Variants in NTN4 observed in about 807,000 individuals in gnomAD.
NTN4 encodes the protein netrin-4.
A neutral mutation model predicts 73.6 loss-of-function variants in NTN4; 32 were observed. That is an observed-to-expected ratio of 0.44 (90% CI 0.33 to 0.58). NTN4 has a LOEUF of 0.58. Ranked by LOEUF, NTN4 falls within the 20% of genes least tolerant of loss-of-function variation. The pLI is 0.04. For missense variants in NTN4, 654 were observed against 798.3 expected (o/e 0.82, Z 2.18); for synonymous variants, 258 against 287.5 (o/e 0.90, Z 1.04).
At chr12:95,671,890 A>C (rs1304250794) in intron 7 of NTN4, among the ~76,000 whole-genome samples, 1 of 152,086 alleles carries the variant, frequency 6.6e-6, no homozygotes, top group East Asian at 1.9e-4. Flanking sequence ...ACTGCATTTC[A>C]TAGGCATTGA....
chr12:95,681,461 C>T (rs2078315458), intron 7 of NTN4, among the ~76,000 whole-genome samples: 1 of 152,106 alleles, frequency 6.6e-6, no homozygotes, highest in Non-Finnish European at 1.5e-5. Context: ...TATGGGTGCT[C>T]ATTGCATAAC....
chr12:95,710,167 A>G (rs917732447), intron 5 of NTN4, among the ~76,000 whole-genome samples: 1 of 152,094 alleles, frequency 6.6e-6, no homozygotes, highest in Non-Finnish European at 1.5e-5. Context: ...TCTTTTTTCT[A>G]TTAGTCATCC....
intron 3 of NTN4, among the ~76,000 whole-genome samples, chr12:95,721,899 A>G (rs2078650531): frequency 6.6e-6 from 1 of 152,276 alleles, no homozygotes; most frequent in East Asian, 1.9e-4. Context: ...AGTATTCAGA[A>G]GTGCAAGTGT....
chr12:95,695,052 T>C (rs4762601), intron 5 of NTN4, among the ~76,000 whole-genome samples: 132,555 of 151,504 alleles, frequency 0.87, 58,097 homozygotes, highest in East Asian at 1. Flanking sequence ...GGTTTGAACC[T>C]GGGAGGTGAA....
At chr12:95,704,910 A>G (rs923943271) in intron 5 of NTN4, among the ~76,000 whole-genome samples, 3 of 152,186 alleles carry the variant, frequency 2.0e-5, no homozygotes, top group African/African-American at 4.8e-5. Context: ...GAACCCATCT[A>G]CCTCCTATAC....
chr12:95,679,415 C>CATAT (rs1159417505), intron 7 of NTN4, among the ~76,000 whole-genome samples: 1 of 152,132 alleles, frequency 6.6e-6, no homozygotes, highest in African/African-American at 2.4e-5. Flanking sequence ...TTCCCATGAC[C>CATAT]ATATCTTAGA....
chr12:95,682,636 C>G, intron 7 of NTN4, 71 bp downstream of exon 7: 1 of 1,015,040 alleles, frequency 9.9e-7, no homozygotes, highest in Non-Finnish European at 1.5e-6. Context: ...AAGCTGGACC[C>G]TGGTTTGTCA....
intron 3 of NTN4, among the ~76,000 whole-genome samples, chr12:95,736,456 T>C (rs752048916): frequency 6.6e-6 from 1 of 152,210 alleles, no homozygotes; most frequent in Non-Finnish European, 1.5e-5. Context: ...AAGATCTGCA[T>C]GCTCTCCTTT....
chr12:95,732,396 C>CT (rs35575824), intron 3 of NTN4, among the ~76,000 whole-genome samples: 25,357 of 112,566 alleles, frequency 0.23, 3,295 homozygotes, highest in African/African-American at 0.3. Context: ...CTTTCTTCCT[C>CT]TTTTTTTTTT....
chr12:95,775,747 C>G (rs2079087416), intron 2 of NTN4, among the ~76,000 whole-genome samples: 1 of 152,258 alleles, frequency 6.6e-6, no homozygotes, highest in Non-Finnish European at 1.5e-5. Context: ...CAGATTCCAC[C>G]TCTGGGGGCA....
Position 95,790,227 on chromosome 12 carries a change from G to T in NTN4, c.55+28C>A, listed in dbSNP as rs1353686541. On this transcript the variant is annotated intron_variant, in intron 1 of 9. Coordinates refer to ENST00000343702, the MANE Select transcript of NTN4 (RefSeq NM_021229.4). The surrounding 1 kb of genome is among the most constrained non-coding windows in gnomAD (Gnocchi z 6.5). ...GGTTAGAGAAGCAGCGAGGGAAGGGGTGGGGGCCCCGCCGCGTCACCACCC... is the reference window on the plus strand; with the variant it reads ...GGTTAGAGAAGCAGCGAGGGAAGGGTTGGGGGCCCCGCCGCGTCACCACCC... 6.5e-7 allele frequency: 1 copy of T among 1,528,858 alleles called. No individual in the cohort carries two copies. Among genetic ancestry groups the T allele is most frequent in the Non-Finnish European group, 8.8e-7 (1 of 1,136,984 alleles). The allele number at this position is 1,528,858 out of a possible 1,614,324, so 94.7% of individuals were successfully genotyped here. A position where few individuals can be genotyped will look rare whatever the true frequency, so the allele number is the denominator to read the frequency against.
Position 95,659,059 on chromosome 12 carries a change from T to C in NTN4, c.*27A>G. On this transcript the variant is annotated 3_prime_UTR_variant, in exon 10 of 10. Transcript: ENST00000343702. ...AGTTTGTGTTTTGTACATAGACAAG[T>C]GCCATTATGTGCTATCCATCTTAAT... is the stretch of plus-strand genomic sequence containing the variant. The C allele has an allele frequency of 2.5e-6, 4 of 1,587,458 alleles. No homozygotes were observed. The highest frequency in any genetic ancestry group is 1.4e-5 in the African/African-American group (1 of 73,690).
intron 9 of NTN4, among the ~76,000 whole-genome samples, chr12:95,660,149 G>A (rs1195331321): frequency 6.6e-6 from 1 of 152,122 alleles, no homozygotes; most frequent in Non-Finnish European, 1.5e-5. Flanking sequence ...AAATAGCTGG[G>A]ATTGCAGGCA....
intron 2 of NTN4, among the ~76,000 whole-genome samples, chr12:95,742,506 T>C (rs1265400433): frequency 6.6e-6 from 1 of 152,208 alleles, no homozygotes; most frequent in Non-Finnish European, 1.5e-5. Flanking sequence ...ATCAAACTCA[T>C]ATCTTAACAT....
At chr12:95,750,532 T>C (rs2078898421) in intron 2 of NTN4, among the ~76,000 whole-genome samples, 3 of 152,322 alleles carry the variant, frequency 2.0e-5, no homozygotes, top group Non-Finnish European at 4.4e-5. Context: ...AATTTCTCCA[T>C]CCTGCAAGAT....
At position 95,670,148 on chromosome 12, in the gene NTN4, T is replaced by G; in HGVS notation, c.1511-2A>C. On this transcript the variant is annotated splice_acceptor_variant, in intron 7 of 9. Coordinates refer to ENST00000343702, the MANE Select transcript of NTN4 (RefSeq NM_021229.4). LOFTEE classifies it high-confidence loss of function. The stretch of plus-strand genomic sequence containing the variant: ...TCTGTTCCTTACATTCGCATTTACC[T>G]ATGGAAAGTAAATTAAAAATGGTGT... 1 of 1,557,682 alleles carries G rather than the reference T, an allele frequency of 6.4e-7. No homozygotes were observed. The highest frequency in any genetic ancestry group is 8.7e-7 in the Non-Finnish European group (1 of 1,143,734).
chr12:95,690,294 G>T (rs75888154), intron 5 of NTN4, among the ~76,000 whole-genome samples: 5,719 of 152,242 alleles, frequency 0.038, 373 homozygotes, highest in African/African-American at 0.13. Context: ...CCTGCTATGT[G>T]CTAAGTACTG....
intron 2 of NTN4, among the ~76,000 whole-genome samples, chr12:95,741,482 A>C (rs2078826442): frequency 8.6e-6 from 1 of 115,992 alleles, no homozygotes; most frequent in African/African-American, 3.2e-5. Flanking sequence ...TATCTCCTCC[A>C]TGCCAACCTG....
At chr12:95,776,687 G>C (rs2079095241) in intron 2 of NTN4, among the ~76,000 whole-genome samples, 1 of 152,206 alleles carries the variant, frequency 6.6e-6, no homozygotes, top group African/African-American at 2.4e-5. Context: ...ACATCTGATT[G>C]GTGTGCCTGA....
Sources: allele counts gnomAD v4.1 joint callset (sites outside exome capture counted in the v4.1 genomes callset), GRCh38; gene constraint gnomAD v4.1.1; non-coding constraint Gnocchi (gnomAD v3.1); transcripts MANE v1.5; gene names NCBI Gene and HGNC (gene_info 2026-07-23, HGNC 2026-07-21).